Variants in EPHA7 observed in about 807,000 individuals in gnomAD.
EPHA7 encodes EPH receptor A7.
EPHA7 carries 25 observed loss-of-function variants against 112.6 expected under a neutral mutation model. That is an observed-to-expected ratio of 0.22 (90% CI 0.16 to 0.31). The LOEUF (loss-of-function observed/expected upper bound fraction) is 0.31, where lower values mean the gene tolerates loss of function less well. Ranked by LOEUF, EPHA7 falls within the 10% of genes least tolerant of loss-of-function variation. The pLI is 1.00. For missense variants in EPHA7, 962 were observed against 1,212.6 expected (o/e 0.79, Z 3.07); for synonymous variants, 437 against 406.5 (o/e 1.07, Z -0.90).
intron 1 of EPHA7, 134 bp from the exon 2 acceptor site, chr6:93,414,901 G>C (rs979262283): frequency 1.5e-6 from 1 of 674,390 alleles, no homozygotes; most frequent in African/African-American, 1.8e-5. Context: ...TAAATCAATG[G>C]TGAAATGAAC....
chr6:93,261,034 G>A (rs573468380), intron 9 of EPHA7, among the ~76,000 whole-genome samples: 3 of 151,524 alleles, frequency 2.0e-5, no homozygotes, highest in Non-Finnish European at 3.0e-5. Flanking sequence ...CATCTCAAAC[G>A]GTCTCTGATG....
rs555608233 is a variant in EPHA7, at chr6:93,265,940, C to T, written c.1634-1238G>A. Among the ~76,000 whole-genome samples, 34 of 151,560 alleles carry T rather than the reference C, an allele frequency of 2.2e-4. No homozygotes were observed. In the South Asian group the frequency reaches 6.4e-3, roughly 29 times the overall value. On this transcript the variant is annotated intron_variant, in intron 7 of 16. Coordinates refer to ENST00000369303, the MANE Select transcript of EPHA7 (RefSeq NM_004440.4). ...ACAACTTATCTCTTAATTTTGTATA[C>T]CTATGCTAACAAGAGATAGCTCCTG...
chr6:93,319,154 A>C (rs1773947421), intron 5 of EPHA7, among the ~76,000 whole-genome samples: 1 of 152,114 alleles, frequency 6.6e-6, no homozygotes, highest in African/African-American at 2.4e-5. Flanking sequence ...ATGGACAATA[A>C]ATTTAACAAC....
At chr6:93,307,437 CA>C (rs1773313209) in intron 5 of EPHA7, among the ~76,000 whole-genome samples, 1 of 152,104 alleles carries the variant, frequency 6.6e-6, no homozygotes. Flanking sequence ...ACCATTTCCA[CA>C]ATCCTTTAAA....
At chr6:93,328,603 C>T (rs1282182370) in intron 5 of EPHA7, among the ~76,000 whole-genome samples, 1 of 151,398 alleles carries the variant, frequency 6.6e-6, no homozygotes, top group Admixed American at 6.6e-5. Flanking sequence ...GTAATCTGGT[C>T]TTTCTTACCT....
chr6:93,335,080 T>G (rs554144527), intron 5 of EPHA7, among the ~76,000 whole-genome samples: 24 of 152,192 alleles, frequency 1.6e-4, no homozygotes, highest in African/African-American at 5.8e-4. Context: ...CGGCAATTTG[T>G]TTAACTTCTC....
At chr6:93,401,967 A>T (rs1454910901) in intron 3 of EPHA7, among the ~76,000 whole-genome samples, 1 of 152,034 alleles carries the variant, frequency 6.6e-6, no homozygotes, top group Non-Finnish European at 1.5e-5. Context: ...ACAGAAAAAC[A>T]AATCAAATGC....
chr6:93,418,450 G>C (rs541920994), intron 1 of EPHA7, among the ~76,000 whole-genome samples: 1 of 152,310 alleles, frequency 6.6e-6, no homozygotes, highest in South Asian at 2.1e-4. Context: ...GCAAATAATT[G>C]GGGACTTTGA....
chr6:93,384,023 C>A (rs963122885), intron 3 of EPHA7, among the ~76,000 whole-genome samples: 1 of 152,144 alleles, frequency 6.6e-6, no homozygotes, highest in Middle Eastern at 3.4e-3. Flanking sequence ...ATATATAAAC[C>A]TTTTATGAGG....
chr6:93,329,656 AAAT>A (rs1348694084), intron 5 of EPHA7, among the ~76,000 whole-genome samples: 1 of 151,410 alleles, frequency 6.6e-6, no homozygotes, highest in Non-Finnish European at 1.5e-5. Context: ...ATGACTGACT[AAAT>A]AAACTTAGTA....
At chr6:93,354,446 T>C (rs1408006628) in intron 5 of EPHA7, among the ~76,000 whole-genome samples, 1 of 152,034 alleles carries the variant, frequency 6.6e-6, no homozygotes, top group Non-Finnish European at 1.5e-5. Flanking sequence ...TTTATGTTTA[T>C]GTTATTTAAT....
chr6:93,376,903 C>T (rs542753880), intron 3 of EPHA7, among the ~76,000 whole-genome samples: 1 of 152,260 alleles, frequency 6.6e-6, no homozygotes, highest in African/African-American at 2.4e-5. Flanking sequence ...GCATTGCATC[C>T]CTAGCGTTCC....
chr6:93,323,199 G>A (rs1363411662), intron 5 of EPHA7, among the ~76,000 whole-genome samples: 1 of 151,512 alleles, frequency 6.6e-6, no homozygotes, highest in Admixed American at 6.6e-5. Flanking sequence ...TAAGCAGACT[G>A]TATTAATCAA....
At chr6:93,370,852 A>G (rs1474073954) in intron 3 of EPHA7, among the ~76,000 whole-genome samples, 4 of 152,148 alleles carry the variant, frequency 2.6e-5, no homozygotes, top group Non-Finnish European at 1.5e-5. Flanking sequence ...TGAACTCAGA[A>G]AAAGCACAGT....
chr6:93,304,192 T>C (rs1382744969), intron 5 of EPHA7, among the ~76,000 whole-genome samples: 1 of 151,766 alleles, frequency 6.6e-6, no homozygotes, highest in Non-Finnish European at 1.5e-5. Flanking sequence ...TATATACTTG[T>C]AGTATACATT....
chr6:93,356,281 C>T (rs1383801864), intron 5 of EPHA7, among the ~76,000 whole-genome samples: 1 of 151,806 alleles, frequency 6.6e-6, no homozygotes, highest in East Asian at 1.9e-4. Context: ...GATCTCGGCT[C>T]ACTGCAACTT....
At chr6:93,305,446 C>G (rs1036995126) in intron 5 of EPHA7, among the ~76,000 whole-genome samples, 5 of 151,818 alleles carry the variant, frequency 3.3e-5, no homozygotes, top group Admixed American at 3.3e-4. Flanking sequence ...GAAATCATTC[C>G]TCCTACATTT....
At chr6:93,312,763 T>C (rs1773606212) in intron 5 of EPHA7, among the ~76,000 whole-genome samples, 1 of 152,194 alleles carries the variant, frequency 6.6e-6, no homozygotes, top group Non-Finnish European at 1.5e-5. Context: ...TAATTATTTC[T>C]AGCTTTTGAT....
At chr6:93,247,056 G>A (rs1481930333) in intron 14 of EPHA7, 71 bp from the exon 15 acceptor site, 3 of 1,311,544 alleles carry the variant, frequency 2.3e-6, no homozygotes, top group African/African-American at 2.9e-5. Context: ...TTTCCTGGTA[G>A]GCAAAATGAT....
Sources: allele counts gnomAD v4.1 joint callset (sites outside exome capture counted in the v4.1 genomes callset), GRCh38; gene constraint gnomAD v4.1.1; transcripts MANE v1.5; gene names NCBI Gene and HGNC (gene_info 2026-07-23, HGNC 2026-07-21).